ARHGAP28: variants seen among roughly 807,000 people sequenced by gnomAD.
ARHGAP28 encodes the protein Rho GTPase activating protein 28.
Under a neutral mutation model 90.7 loss-of-function variants are expected in ARHGAP28, and 56 were observed. That is an observed-to-expected ratio of 0.62 (90% confidence interval 0.50 to 0.77). The LOEUF (loss-of-function observed/expected upper bound fraction) is 0.77. Among genes scored for constraint, ARHGAP28 ranks in the 30% least tolerant of loss-of-function variants. The pLI is 0.00. For synonymous variants in ARHGAP28, 308 were observed against 323.3 expected (o/e 0.95, Z 0.51); for missense variants, 869 against 900.9 (o/e 0.96, Z 0.45).
chr18:6,814,265 C>T (rs1276453167), intron 1 of ARHGAP28, among the ~76,000 whole-genome samples: 2 of 152,130 alleles, frequency 1.3e-5, no homozygotes, highest in Middle Eastern at 3.2e-3. Context: ...AAGCCAGTCC[C>T]ACTCAGGGAA....
At chr18:6,764,080 G>A (rs2056182180) in intron 1 of ARHGAP28, among the ~76,000 whole-genome samples, 1 of 152,050 alleles carries the variant, frequency 6.6e-6, no homozygotes, top group Admixed American at 6.5e-5. Flanking sequence ...ACTTGAAGTT[G>A]TCCATGGAAG....
At chr18:6,873,932 G>A (rs937360520) in intron 9 of ARHGAP28, among the ~76,000 whole-genome samples, 157 bp downstream of exon 9, 7 of 152,154 alleles carry the variant, frequency 4.6e-5, no homozygotes, top group African/African-American at 1.7e-4. Context: ...TCCATGCACC[G>A]CATAACGGCC....
rs1216775574 is a variant in ARHGAP28, at chr18:6,859,718, CAT to C, written c.637-87_637-86del. 8.8e-6 allele frequency: 11 copies of C among 1,253,678 alleles called. No individual in the cohort carries two copies. The Admixed American group carries it at 9.2e-5, about 10-fold the overall frequency. 77.7% of individuals were successfully genotyped at this position (1,253,678 alleles called of 1,614,324 possible). A position where few individuals can be genotyped will look rare whatever the true frequency, so the allele number is the denominator to read the frequency against. ...AGTCATAATTGCATATATTGCCACA[CAT>C]ATCTCAGTATGAACACAGAGCAGAA... is the stretch of plus-strand genomic sequence containing the variant. On this transcript the variant is annotated intron_variant, in intron 4 of 17. Transcript: ENST00000383472.
chr18:6,771,068 G>A (rs973320409), intron 1 of ARHGAP28, among the ~76,000 whole-genome samples: 3 of 151,820 alleles, frequency 2.0e-5, no homozygotes, highest in African/African-American at 4.8e-5. Context: ...ACAGGGTTTT[G>A]CTCTGTCACC....
At chr18:6,810,006 C>T (rs2056545329) in intron 1 of ARHGAP28, among the ~76,000 whole-genome samples, 1 of 152,106 alleles carries the variant, frequency 6.6e-6, no homozygotes, top group African/African-American at 2.4e-5. Flanking sequence ...CATGTGTTTC[C>T]TAATTCACCT....
rs187720425 is a variant in ARHGAP28 at position 6,871,407 on chromosome 18, A to G, written c.954+675A>G. ...GCCTCTATAAGCCACATATCAGAAG[A>G]GGGGACTGCAAAAAGTCACAGTCAT... On this transcript the variant is annotated intron_variant, in intron 7 of 17. Transcript: ENST00000383472. Among the ~76,000 whole-genome samples the G allele has an allele frequency of 2.6e-3, 393 of 152,326 alleles. 3 individuals carry two copies. Among genetic ancestry groups the G allele is most frequent in the Non-Finnish European group, 3.3e-3 (225 of 68,024 alleles).
intron 3 of ARHGAP28, among the ~76,000 whole-genome samples, chr18:6,841,125 C>CTCTG (rs2056805506): frequency 7.8e-6 from 1 of 127,668 alleles, no homozygotes; most frequent in East Asian, 2.0e-4. Flanking sequence ...TCTCTTCTCT[C>CTCTG]TCTCTCTCCT....
intron 10 of ARHGAP28, among the ~76,000 whole-genome samples, chr18:6,879,041 T>C (rs902372848): frequency 3.3e-5 from 5 of 152,148 alleles, no homozygotes; most frequent in African/African-American, 9.7e-5. Context: ...CTTTAATTGC[T>C]TGGGGAGGCT....
intron 4 of ARHGAP28, among the ~76,000 whole-genome samples, chr18:6,859,163 T>TA (rs200846190): frequency 4.6e-5 from 7 of 151,616 alleles, no homozygotes; most frequent in African/African-American, 1.2e-4. Context: ...TAGAATCTGC[T>TA]AAAAAAAAAT....
intron 1 of ARHGAP28, 77 bp downstream of exon 1, chr18:6,730,020 C>A: frequency 8.0e-7 from 1 of 1,252,990 alleles, no homozygotes; most frequent in Non-Finnish European, 1.0e-6. Context: ...GCGCCTTGTG[C>A]CTGAGCGCAC....
intron 2 of ARHGAP28, among the ~76,000 whole-genome samples, chr18:6,828,539 C>A (rs997476342): frequency 6.6e-5 from 10 of 152,192 alleles, no homozygotes. Context: ...TTTCTTCTAG[C>A]ATTTTTATAG....
intron 1 of ARHGAP28, among the ~76,000 whole-genome samples, chr18:6,757,023 C>T (rs2056116376): frequency 6.6e-6 from 1 of 152,136 alleles, no homozygotes; most frequent in African/African-American, 2.4e-5. Context: ...CTCACAGACG[C>T]ACCAGGAAAA....
intron 6 of ARHGAP28, 139 bp downstream of exon 6, chr18:6,868,373 C>T (rs2057054991): frequency 1.4e-6 from 1 of 695,934 alleles, no homozygotes; most frequent in Non-Finnish European, 2.4e-6. Context: ...ACTTCCATCG[C>T]TCACTCCTTC....
intron 1 of ARHGAP28, among the ~76,000 whole-genome samples, chr18:6,768,048 C>T (rs1041699633): frequency 6.6e-6 from 1 of 151,968 alleles, no homozygotes; most frequent in African/African-American, 2.4e-5. Flanking sequence ...ATTTTGTCTC[C>T]AAATTTATTG....
intron 1 of ARHGAP28, among the ~76,000 whole-genome samples, chr18:6,780,514 G>C (rs1407978465): frequency 1.3e-5 from 2 of 151,966 alleles, no homozygotes; most frequent in Admixed American, 6.6e-5. Flanking sequence ...TATTAGTTGT[G>C]GGGAGGGGTA....
chr18:6,841,283 A>G (rs1159316347), intron 3 of ARHGAP28, among the ~76,000 whole-genome samples: 3 of 131,072 alleles, frequency 2.3e-5, no homozygotes, highest in African/African-American at 9.1e-5. Context: ...CTCCCTCCCT[A>G]TTCCTTCTTA....
At chr18:6,870,934 G>C (rs1473457509) in intron 7 of ARHGAP28, among the ~76,000 whole-genome samples, 4 of 152,076 alleles carry the variant, frequency 2.6e-5, no homozygotes, top group Non-Finnish European at 5.9e-5. Context: ...CCGAGTAGCT[G>C]GGACTACAGG....
rs75512465 is a variant in ARHGAP28, at chr18:6,880,770, G to A, written c.1291-1367G>A. On this transcript the variant is annotated intron_variant, in intron 10 of 17. Transcript: ENST00000383472. Reference sequence around the variant, plus strand: ...GACTCCTCTCTTTCCTGGCTGCATAGCACCAATACATGACTTTTCTTATAG... The same window carrying A: ...GACTCCTCTCTTTCCTGGCTGCATAACACCAATACATGACTTTTCTTATAG... Among the ~76,000 whole-genome samples, 707 of 152,190 alleles carry A rather than the reference G, an allele frequency of 4.6e-3. 6 individuals are homozygous for A. The highest frequency in any genetic ancestry group is 0.016 in the African/African-American group (653 of 41,522).
chr18:6,884,889 A>G (rs754615990), intron 11 of ARHGAP28, among the ~76,000 whole-genome samples: 10 of 152,210 alleles, frequency 6.6e-5, no homozygotes, highest in Non-Finnish European at 7.3e-5. Flanking sequence ...ATTAATTTTC[A>G]TCCTCCAAAA....
Sources: gnomAD v4.1 joint callset for allele counts (sites outside exome capture counted in the v4.1 genomes callset) on GRCh38, gnomAD v4.1.1 for gene constraint, MANE v1.5 for transcripts, NCBI Gene and HGNC (gene_info 2026-07-23, HGNC 2026-07-21) for gene names.